CEP162: variants seen among roughly 807,000 people sequenced by gnomAD.
The protein encoded by CEP162 is centrosomal protein 162.
In CEP162, 141 loss-of-function variants were observed where a neutral mutation model predicts 169.2. The ratio of observed to expected loss-of-function variants is 0.83; its 90% CI spans 0.73 to 0.96. The LOEUF (loss-of-function observed/expected upper bound fraction) is 0.96, where lower values mean the gene tolerates loss of function less well. CEP162 is among the 40% of genes least tolerant of loss of function. The pLI is 0.00. For missense variants in CEP162, 1,600 were observed against 1,587.2 expected, an observed-to-expected ratio of 1.01 and a Z score of -0.14; for synonymous variants, 540 against 526.4, an observed-to-expected ratio of 1.03 and a Z score of -0.35.
chr6:84,200,023 G>C (rs2099543819), intron 9 of CEP162, among the ~76,000 whole-genome samples: 5 of 152,174 alleles, frequency 3.3e-5, no homozygotes, highest in Admixed American at 2.6e-4. Context: ...GGCTGAGGCG[G>C]GCGGATCACA....
intron 18 of CEP162, among the ~76,000 whole-genome samples, chr6:84,164,626 C>T (rs111953576): frequency 0.011 from 1,686 of 152,126 alleles, 33 homozygotes; most frequent in African/African-American, 0.039. Context: ...TGTTCTCACT[C>T]ATAAGTGGGA....
rs971568020 is a variant in CEP162 at position 84,124,707 on chromosome 6, C to T, written c.*363G>A. The T allele has an allele frequency of 7.2e-6, 2 of 278,524 alleles. No homozygotes were observed. The highest frequency in any genetic ancestry group is 2.3e-5 in the African/African-American group (1 of 42,670). The allele number at this position is 278,524 out of a possible 1,614,324, so 17.3% of individuals were successfully genotyped here. On this transcript the variant is annotated 3_prime_UTR_variant, in exon 27 of 27. Coordinates refer to ENST00000403245, the MANE Select transcript of CEP162 (RefSeq NM_014895.4). ...CAATACACCCATGTTACAACAAGCA[C>T]ATGTACCCCCTGGATCTAAAATAAA...
chr6:84,208,563 G>C (rs1216707189), intron 6 of CEP162, among the ~76,000 whole-genome samples: 2 of 152,222 alleles, frequency 1.3e-5, no homozygotes, highest in Non-Finnish European at 2.9e-5. Context: ...AAATGAATTT[G>C]AGAGGGTTTG....
intron 11 of CEP162, among the ~76,000 whole-genome samples, chr6:84,189,795 C>T (rs1356385280): frequency 1.5e-4 from 23 of 152,364 alleles, no homozygotes; most frequent in Admixed American, 1.5e-3. Flanking sequence ...ACCTGCAGCC[C>T]CGGTGCGGGA....
chr6:84,226,223 T>A (rs2099555685), intron 2 of CEP162, 114 bp downstream of exon 2: 9 of 708,564 alleles, frequency 1.3e-5, no homozygotes, highest in Admixed American at 2.2e-5. Context: ...GCTAGAGGGA[T>A]GATGGGAATT....
intron 25 of CEP162, among the ~76,000 whole-genome samples, chr6:84,145,892 T>A (rs528976123): frequency 6.6e-6 from 1 of 152,106 alleles, no homozygotes; most frequent in Non-Finnish European, 1.5e-5. Context: ...GAAATTAGTA[T>A]ACAGACTACT....
chr6:84,147,633 G>C (rs2099519485), intron 24 of CEP162, among the ~76,000 whole-genome samples: 1 of 151,946 alleles, frequency 6.6e-6, no homozygotes, highest in Admixed American at 6.6e-5. Context: ...TCAATAAAAG[G>C]GGGGGAAAAT....
chr6:84,124,902 G>GT lies in CEP162; in HGVS notation c.*167dup, dbSNP rs1031553047. 6.3e-5 allele frequency: 40 copies of GT among 633,394 alleles called. No homozygotes were observed. The highest frequency in any genetic ancestry group is 7.4e-5 in the Non-Finnish European group (27 of 366,040). The allele number at this position is 633,394 out of a possible 1,614,324, so 39.2% of individuals were successfully genotyped here. ...TTTTTAGTAAAATACACCATTATAT[G>GT]TTTTTTTTCTTATTGGTTAAAGGCA... On this transcript the variant is annotated 3_prime_UTR_variant, in exon 27 of 27. Transcript: ENST00000403245.
At chr6:84,148,492 G>A (rs2099519911) in intron 24 of CEP162, among the ~76,000 whole-genome samples, 1 of 152,046 alleles carries the variant, frequency 6.6e-6, no homozygotes, top group South Asian at 2.1e-4. Flanking sequence ...CAGCCTGGGT[G>A]ACAGAAGGAG....
Position 84,215,935 on chromosome 6 carries a change from T to G in CEP162, c.173-13A>C. On this transcript the variant is annotated splice_polypyrimidine_tract_variant and intron_variant, in intron 3 of 26. Coordinates refer to ENST00000403245, the MANE Select transcript of CEP162 (RefSeq NM_014895.4). Reference sequence around the variant, plus strand: ...GTTCCAAGAAGTCCTAGGTACACAATTTAATACAGATGAAGATTTATGTTC... The same window carrying G: ...GTTCCAAGAAGTCCTAGGTACACAAGTTAATACAGATGAAGATTTATGTTC... 6.5e-7 allele frequency: 1 copy of G among 1,527,572 alleles called. No homozygotes were observed. The highest frequency in any genetic ancestry group is 8.8e-7 in the Non-Finnish European group (1 of 1,139,634). 94.6% of individuals were successfully genotyped at this position (1,527,572 alleles called of 1,614,324 possible).
intron 23 of CEP162, among the ~76,000 whole-genome samples, chr6:84,151,047 C>T (rs1003555121): frequency 2.0e-5 from 3 of 151,884 alleles, no homozygotes; most frequent in Middle Eastern, 3.4e-3. Flanking sequence ...GGAAGTTCCA[C>T]GAAATGTTTT....
Position 84,226,231 on chromosome 6 carries a change from A to G in CEP162, c.57+106T>C, listed in dbSNP as rs2099555687. 3 of 750,400 alleles carry G rather than the reference A, an allele frequency of 4.0e-6. No homozygotes were observed. The East Asian group carries it at 8.2e-5, about 20-fold the overall frequency. The allele number at this position is 750,400 out of a possible 1,614,324, so 46.5% of individuals were successfully genotyped here. On this transcript the variant is annotated intron_variant, in intron 2 of 26. Transcript: ENST00000403245. Reference sequence around the variant, plus strand: ...GGACAGGGCTAGAGGGATGATGGGAATTCAGAGTTTGGTGATGGACTAACT... The same window carrying G: ...GGACAGGGCTAGAGGGATGATGGGAGTTCAGAGTTTGGTGATGGACTAACT...
At position 84,126,504 on chromosome 6, in the gene CEP162, T is replaced by A; in HGVS notation, c.3879A>T (p.Lys1293Asn). 2.0e-6 allele frequency: 3 copies of A among 1,529,422 alleles called. No individual in the cohort carries two copies. Among genetic ancestry groups the A allele is most frequent in the East Asian group, 2.4e-5 (1 of 41,396 alleles). 94.7% of individuals were successfully genotyped at this position (1,529,422 alleles called of 1,614,324 possible). ...REEILQKEITKLLEELREAKE... is the reference protein window; with the variant it reads ...REEILQKEITNLLEELREAKE... ...TGGCTTCTCTCAATTCTTCTAAGAG[T>A]TTTGTAATCTAAAATTGACATATGA... Residue 1293 changes from lysine to asparagine, a missense_variant, in exon 26 of 27, where the codon AAA becomes AAT. Lys to Asn is a moderately conservative substitution (Grantham distance 94, BLOSUM62 0). Coordinates refer to ENST00000403245, the MANE Select transcript of CEP162 (RefSeq NM_014895.4).
At chr6:84,172,053 C>T (rs899256724) in intron 16 of CEP162, among the ~76,000 whole-genome samples, 8 of 152,064 alleles carry the variant, frequency 5.3e-5, no homozygotes, top group Non-Finnish European at 7.3e-5. Flanking sequence ...CTGTGTGGAC[C>T]CGGGTGGAAA....
In CEP162 at chr6:84,131,474, G is replaced by A. The variant is rs148360686; in HGVS notation, c.3871-4962C>T. Among the ~76,000 whole-genome samples, 915 of 152,150 alleles carry A rather than the reference G, an allele frequency of 6.0e-3. 4 individuals are homozygous for A. The highest frequency in any genetic ancestry group is 0.021 in the African/African-American group (880 of 41,506). ...TAAAGTCTTCCATTATTATTGTGTG[G>A]GAGTCTAGGTCTCTTTGTAGGTCTC... is the stretch of plus-strand genomic sequence containing the variant. On this transcript the variant is annotated intron_variant, in intron 25 of 26. Transcript: ENST00000403245.
intron 2 of CEP162, among the ~76,000 whole-genome samples, chr6:84,223,494 A>C (rs1460373702): frequency 6.7e-6 from 1 of 149,430 alleles, no homozygotes; most frequent in Non-Finnish European, 1.5e-5. Flanking sequence ...GCAAGGCTCT[A>C]TCTCAAAAAT....
intron 26 of CEP162, 75 bp from the exon 27 acceptor site, chr6:84,125,351 A>T: frequency 7.6e-7 from 1 of 1,310,016 alleles, no homozygotes; most frequent in Non-Finnish European, 1.1e-6. Flanking sequence ...ATCTTAAAGT[A>T]GGCAAACCTG....
At chr6:84,222,161 A>C (rs1376976675) in intron 2 of CEP162, among the ~76,000 whole-genome samples, 1 of 152,118 alleles carries the variant, frequency 6.6e-6, no homozygotes, top group Non-Finnish European at 1.5e-5. Flanking sequence ...AACCCCTTAT[A>C]ATCTGGTTCC....
chr6:84,220,096 G>A (rs947992217), intron 3 of CEP162, among the ~76,000 whole-genome samples: 5 of 152,104 alleles, frequency 3.3e-5, no homozygotes, highest in African/African-American at 9.7e-5. Context: ...TACAGTACAC[G>A]AGAAGGCAGG....
Sources: allele counts gnomAD v4.1 joint callset (sites outside exome capture counted in the v4.1 genomes callset), GRCh38; gene constraint gnomAD v4.1.1; transcripts MANE v1.5; gene names NCBI Gene and HGNC (gene_info 2026-07-23, HGNC 2026-07-21).